EPN2: variants seen among roughly 807,000 people sequenced by gnomAD.
EPN2 encodes epsin-2.
In EPN2, 34 loss-of-function variants were observed where a neutral mutation model predicts 61.7. The ratio of observed to expected loss-of-function variants is 0.55; its 90% confidence interval spans 0.42 to 0.73. The LOEUF is 0.73. Ranked by LOEUF, EPN2 falls within the 30% of genes least tolerant of loss-of-function variation. The pLI, the probability that EPN2 is intolerant of heterozygous loss-of-function variation, is 0.00. For missense variants in EPN2, 714 were observed against 839.2 expected (o/e 0.85, Z 1.84); for synonymous variants, 349 against 353.6 (o/e 0.99, Z 0.15).
At chr17:19,244,870 C>T (rs886084843) in intron 1 of EPN2, among the ~76,000 whole-genome samples, 1 of 152,198 alleles carries the variant, frequency 6.6e-6, no homozygotes, top group African/African-American at 2.4e-5. Context: ...GTATGAACTC[C>T]TGCTGGTATG....
At position 19,289,724 on chromosome 17, in the gene EPN2, G is replaced by GTTTTTTTTTTTTTTTTTTTTTTTTTTTT. The variant is rs58087532; in HGVS notation, c.766+3954_766+3955insTTTTTTTTTTTTTTTTTTTTTTTTTTTT. Reference sequence around the variant, plus strand: ...TGTTCGGCCTCACCTGGCGCTCATGGTTTTTTTTTTTTTTTTTTTTGAGAT... The same window carrying GTTTTTTTTTTTTTTTTTTTTTTTTTTTT: ...TGTTCGGCCTCACCTGGCGCTCATGGTTTTTTTTTTTTTTTTTTTTTTTTTTTTTTTTTTTTTTTTTTTTTTTTGAGAT... On this transcript the variant is annotated intron_variant, in intron 4 of 10. Transcript: ENST00000314728. Among the ~76,000 whole-genome samples, 4 of 78,046 alleles carry GTTTTTTTTTTTTTTTTTTTTTTTTTTTT rather than the reference G, an allele frequency of 5.1e-5. 1 individual carries two copies. Among genetic ancestry groups the GTTTTTTTTTTTTTTTTTTTTTTTTTTTT allele is most frequent in the South Asian group, 5.8e-4 (1 of 1,714 alleles). The allele number at this position is 78,046 out of a possible 152,430, so 51.2% of individuals were successfully genotyped here.
intron 4 of EPN2, among the ~76,000 whole-genome samples, chr17:19,289,704 G>A (rs1048015097): frequency 2.0e-4 from 28 of 140,152 alleles, no homozygotes; most frequent in African/African-American, 7.3e-4. Context: ...TCAGCTGTTC[G>A]GCCTCACCTG....
In EPN2 at chr17:19,307,421, C is replaced by T. The variant is rs543426443; in HGVS notation, c.767-2464C>T. ...TGCCTCTTGGGTTCATGCCATTTTC[C>T]TACCTCAGCCTCCTGAGTAGCTGGG... On this transcript the variant is annotated intron_variant, in intron 4 of 10. Transcript: ENST00000314728. Among the ~76,000 whole-genome samples the T allele has an allele frequency of 2.0e-5, 3 of 152,268 alleles. No individual in the cohort carries two copies. The East Asian group carries it at 5.8e-4, about 29-fold the overall frequency.
chr17:19,278,462 A>C (rs544653592), intron 1 of EPN2, among the ~76,000 whole-genome samples: 1 of 152,316 alleles, frequency 6.6e-6, no homozygotes, highest in Non-Finnish European at 1.5e-5. Flanking sequence ...CAAAAATGCA[A>C]ACCCCTGATA....
chr17:19,262,005 T>C (rs551138759), intron 1 of EPN2, among the ~76,000 whole-genome samples: 9 of 152,234 alleles, frequency 5.9e-5, no homozygotes, highest in African/African-American at 1.9e-4. Context: ...CTGGCCAACG[T>C]GGTGAAACCC....
chr17:19,244,823 A>G (rs922130507), intron 1 of EPN2, among the ~76,000 whole-genome samples: 1 of 152,180 alleles, frequency 6.6e-6, no homozygotes, highest in Non-Finnish European at 1.5e-5. Context: ...TAAAAAACTA[A>G]GAGGGGTTCA....
At chr17:19,249,911 G>T (rs2044995283) in intron 1 of EPN2, among the ~76,000 whole-genome samples, 1 of 152,088 alleles carries the variant, frequency 6.6e-6, no homozygotes, top group South Asian at 2.1e-4. Flanking sequence ...GGCCTTTTGT[G>T]TTCCTTGGCT....
At chr17:19,307,955 A>T in intron 4 of EPN2, 1 of 985,378 alleles carries the variant, frequency 1.0e-6, no homozygotes, top group South Asian at 4.7e-5. Flanking sequence ...GGAAAACCCT[A>T]AGAAGCAAAT....
chr17:19,306,813 T>C (rs1324987764), intron 4 of EPN2, among the ~76,000 whole-genome samples: 6 of 152,198 alleles, frequency 3.9e-5, no homozygotes. Context: ...GATATGAGCC[T>C]TCTACTTGAT....
At chr17:19,278,127 T>A (rs975734547) in intron 1 of EPN2, among the ~76,000 whole-genome samples, 2 of 150,800 alleles carry the variant, frequency 1.3e-5, no homozygotes, top group Non-Finnish European at 3.0e-5. Context: ...CTAGTGAGGA[T>A]TATTTATTTG....
intron 1 of EPN2, among the ~76,000 whole-genome samples, chr17:19,261,492 T>C (rs1195194825): frequency 1.3e-5 from 2 of 152,368 alleles, no homozygotes; most frequent in African/African-American, 4.8e-5. Flanking sequence ...TTATGAGTTA[T>C]AAATTTTTTT....
chr17:19,259,304 G>A (rs185730662), intron 1 of EPN2, among the ~76,000 whole-genome samples: 166 of 147,108 alleles, frequency 1.1e-3, no homozygotes, highest in Non-Finnish European at 2.1e-3. Context: ...TTTGAGTGTT[G>A]GGTCTTTTTT....
At position 19,274,558 on chromosome 17, in the gene EPN2, C is replaced by T. The variant is rs566489179; in HGVS notation, c.-293-7397C>T. ...GAAAGACAGCTCCCTGACAGCCGAG[C>T]GTGATCTTCAATGATGGCTGCTCCC... On this transcript the variant is annotated intron_variant, in intron 1 of 10. Coordinates refer to ENST00000314728, the MANE Select transcript of EPN2 (RefSeq NM_014964.5). Among the ~76,000 whole-genome samples the T allele has an allele frequency of 2.3e-4, 35 of 152,276 alleles. 1 individual carries two copies. In the South Asian group the frequency reaches 4.8e-3, roughly 21 times the overall value.
rs77320147 is a variant in EPN2, at chr17:19,324,263, A to C, written c.1148-4448A>C. Among the ~76,000 whole-genome samples the C allele has an allele frequency of 9.3e-4, 141 of 152,392 alleles. 1 individual carries two copies. The highest frequency in any genetic ancestry group is 3.1e-3 in the African/African-American group (130 of 41,596). ...TAAGTAGAAAACCTTCATACACCTA[A>C]AATTTTAAGAACACTTCTAAATTCT... On this transcript the variant is annotated intron_variant, in intron 7 of 10. Coordinates refer to ENST00000314728, the MANE Select transcript of EPN2 (RefSeq NM_014964.5).
chr17:19,295,366 A>G (rs62065869), intron 4 of EPN2, among the ~76,000 whole-genome samples: 35,576 of 139,850 alleles, frequency 0.25, 5,533 homozygotes, highest in East Asian at 0.6. Flanking sequence ...ACACACACAC[A>G]CGCGCGTGCG....
Position 19,259,869 on chromosome 17 carries a change from C to G in EPN2, c.-293-22086C>G, listed in dbSNP as rs141318985. 2.2e-3 allele frequency among the ~76,000 whole-genome samples: 333 copies of G among 152,320 alleles called. 2 individuals are homozygous for G. Among genetic ancestry groups the G allele is most frequent in the African/African-American group, 7.7e-3 (319 of 41,578 alleles). ...TTACCATGGGTATTCTGCCTTACTG[C>G]TTTGGCCTGTGGCGTTTCTTCACTT... On this transcript the variant is annotated intron_variant, in intron 1 of 10. Coordinates refer to ENST00000314728, the MANE Select transcript of EPN2 (RefSeq NM_014964.5).
intron 4 of EPN2, among the ~76,000 whole-genome samples, chr17:19,290,045 G>T (rs375906377): frequency 6.6e-6 from 1 of 152,076 alleles, no homozygotes; most frequent in Non-Finnish European, 1.5e-5. Context: ...TTACTTGGTG[G>T]TCTTGTAATT....
At chr17:19,238,010 G>A (rs1321523129) in intron 1 of EPN2, among the ~76,000 whole-genome samples, 2 of 152,092 alleles carry the variant, frequency 1.3e-5, no homozygotes, top group Non-Finnish European at 2.9e-5. Context: ...GCGCCCTCCG[G>A]GAATCGGGGG....
intron 1 of EPN2, among the ~76,000 whole-genome samples, chr17:19,247,661 C>T (rs2044967997): frequency 6.6e-6 from 1 of 152,176 alleles, no homozygotes. Flanking sequence ...GCCACTGGCT[C>T]TGATGAGACA....
Sources: allele counts gnomAD v4.1 joint callset (sites outside exome capture counted in the v4.1 genomes callset), GRCh38; gene constraint gnomAD v4.1.1; transcripts MANE v1.5; gene names NCBI Gene and HGNC (gene_info 2026-07-23, HGNC 2026-07-21).